ADCY2: variants seen among roughly 807,000 people sequenced by gnomAD.
The protein encoded by ADCY2 is adenylate cyclase 2, also known as adenylate cyclase type 2.
A neutral mutation model predicts 125.2 loss-of-function variants in ADCY2; 31 were observed. The observed-to-expected ratio is 0.25, with a 90% CI of 0.19 to 0.33. The LOEUF (loss-of-function observed/expected upper bound fraction) is 0.33. Ranked by LOEUF, ADCY2 falls within the 10% of genes least tolerant of loss-of-function variation. ADCY2 has a pLI of 1.00. For missense variants in ADCY2, 904 were observed against 1,418.2 expected (o/e 0.64, Z 5.82); for synonymous variants, 512 against 548.4 (o/e 0.93, Z 0.93).
intron 2 of ADCY2, among the ~76,000 whole-genome samples, chr5:7,491,728 C>T (rs1464778481): frequency 6.6e-6 from 1 of 152,090 alleles, no homozygotes; most frequent in South Asian, 2.1e-4. Context: ...GGGTTGTTGA[C>T]ATCATATTAT....
intron 11 of ADCY2, among the ~76,000 whole-genome samples, chr5:7,713,616 GAA>G (rs559922125): frequency 5.1e-4 from 78 of 152,238 alleles, no homozygotes; most frequent in African/African-American, 1.8e-3. Flanking sequence ...CAAAAAAAGA[GAA>G]AAGTTTCCCA....
chr5:7,571,262 T>C (rs1736057449), intron 3 of ADCY2, among the ~76,000 whole-genome samples: 1 of 152,114 alleles, frequency 6.6e-6, no homozygotes, highest in Non-Finnish European at 1.5e-5. Context: ...AGAAAGCCAG[T>C]GGTCCAATTT....
chr5:7,429,495 AAGAT>A, intron 2 of ADCY2, among the ~76,000 whole-genome samples: 1 of 152,354 alleles, frequency 6.6e-6, no homozygotes, highest in Middle Eastern at 3.4e-3. Context: ...TTTATTTACT[AAGAT>A]AGACCATATT....
chr5:7,695,957 A>G (rs1740878816), intron 6 of ADCY2, 94 bp downstream of exon 6: 2 of 743,834 alleles, frequency 2.7e-6, no homozygotes, highest in African/African-American at 1.8e-5. Context: ...TTTTTCATAA[A>G]AGCATCCTTT....
chr5:7,511,793 G>A (rs1579520837), intron 2 of ADCY2, among the ~76,000 whole-genome samples: 1 of 152,110 alleles, frequency 6.6e-6, no homozygotes, highest in East Asian at 1.9e-4. Context: ...CAGGAGGGCC[G>A]GTGTAGAGGG....
intron 24 of ADCY2, among the ~76,000 whole-genome samples, chr5:7,825,868 T>A (rs16879196): frequency 0.018 from 2,711 of 152,240 alleles, 88 homozygotes; most frequent in African/African-American, 0.061. Context: ...TACTGGACAG[T>A]GCATCTCCGC....
intron 18 of ADCY2, among the ~76,000 whole-genome samples, chr5:7,781,447 G>A (rs1743919253): frequency 6.6e-6 from 1 of 152,174 alleles, no homozygotes; most frequent in South Asian, 2.1e-4. Context: ...CTAAGGAGAT[G>A]GCCAGGTGAA....
At chr5:7,593,550 G>A (rs1736912792) in intron 3 of ADCY2, among the ~76,000 whole-genome samples, 1 of 151,712 alleles carries the variant, frequency 6.6e-6, no homozygotes, top group African/African-American at 2.4e-5. Context: ...AAGAAGGAAA[G>A]GATAGGATGA....
intron 2 of ADCY2, among the ~76,000 whole-genome samples, chr5:7,499,808 G>C (rs911351793): frequency 2.0e-5 from 3 of 150,640 alleles, no homozygotes; most frequent in African/African-American, 4.9e-5. Context: ...TGCCCATATA[G>C]AGAAAAAACA....
intron 19 of ADCY2, among the ~76,000 whole-genome samples, chr5:7,788,742 G>T (rs945061785): frequency 6.6e-6 from 1 of 152,110 alleles, no homozygotes; most frequent in Admixed American, 6.6e-5. Context: ...GTCATTGGTA[G>T]AATTAATCAA....
chr5:7,660,749 C>T (rs990773766), intron 4 of ADCY2, among the ~76,000 whole-genome samples: 3 of 151,426 alleles, frequency 2.0e-5, no homozygotes, highest in Non-Finnish European at 4.4e-5. Context: ...ATCTGCTTTA[C>T]TTAATCTGTC....
chr5:7,716,276 G>A (rs1741589120), intron 11 of ADCY2, among the ~76,000 whole-genome samples: 1 of 152,188 alleles, frequency 6.6e-6, no homozygotes, highest in Admixed American at 6.5e-5. Flanking sequence ...TGGTATACCT[G>A]AAATAAGACT....
At chr5:7,775,109 C>T (rs879728287) in intron 18 of ADCY2, among the ~76,000 whole-genome samples, 3 of 151,670 alleles carry the variant, frequency 2.0e-5, no homozygotes, top group Non-Finnish European at 2.9e-5. Flanking sequence ...TGGGTTCAAG[C>T]GATTTTCCTG....
At chr5:7,443,532 C>T (rs12652415) in intron 2 of ADCY2, among the ~76,000 whole-genome samples, 98,461 of 148,794 alleles carry the variant, frequency 0.66, 33,116 homozygotes, top group South Asian at 0.77. Context: ...CCCAGCTACT[C>T]GGGAGGCTGA....
intron 22 of ADCY2, among the ~76,000 whole-genome samples, chr5:7,813,974 A>G (rs892957269): frequency 6.6e-6 from 1 of 152,096 alleles, no homozygotes; most frequent in Non-Finnish European, 1.5e-5. Flanking sequence ...ATGTTTTCCA[A>G]CTGACTGCAC....
At position 7,766,751 on chromosome 5, in the gene ADCY2, C is replaced by T. The variant is rs139446665; in HGVS notation, c.2159C>T (p.Ser720Leu). 2.3e-4 allele frequency: 377 copies of T among 1,612,954 alleles called. No individual in the cohort carries two copies. Among genetic ancestry groups the T allele is most frequent in the Middle Eastern group, 3.3e-4 (2 of 6,056 alleles). The stretch of plus-strand genomic sequence containing the variant: ...GCCAACACAACAAACACAAGCTTTT[C>T]AGCCTCAAATAATCAGGTGGCGATT... ...PTANTTNTSF[S>L]ASNNQVAILR... Residue 720 changes from serine (S) to leucine (L), a missense_variant, in exon 17 of 25, where the codon TCA (serine) becomes TTA (leucine). Transcript: ENST00000338316.
chr5:7,723,563 C>T (rs1001724824), intron 12 of ADCY2, among the ~76,000 whole-genome samples: 4 of 152,192 alleles, frequency 2.6e-5, no homozygotes, highest in Admixed American at 6.5e-5. Flanking sequence ...CTTATGCATG[C>T]GTTTTTATGT....
chr5:7,424,427 C>T (rs1740316632), intron 2 of ADCY2, among the ~76,000 whole-genome samples: 1 of 152,270 alleles, frequency 6.6e-6, no homozygotes. Flanking sequence ...AGAATTTGGA[C>T]TTGGCATTCT....
intron 2 of ADCY2, among the ~76,000 whole-genome samples, chr5:7,429,441 C>G (rs1579435114): frequency 6.6e-6 from 1 of 152,142 alleles, no homozygotes; most frequent in East Asian, 1.9e-4. Flanking sequence ...TAGAACACGT[C>G]CCAACAATGA....
Sources: allele counts gnomAD v4.1 joint callset (sites outside exome capture counted in the v4.1 genomes callset), GRCh38; gene constraint gnomAD v4.1.1; transcripts MANE v1.5; gene names NCBI Gene and HGNC (gene_info 2026-07-23, HGNC 2026-07-21).